Variants in DCC observed in about 807,000 individuals in gnomAD.
The protein encoded by DCC is DCC netrin 1 receptor.
DCC carries 58 observed loss-of-function variants against 172.5 expected under a neutral mutation model. The observed-to-expected ratio is 0.34, with a 90% CI of 0.27 to 0.42. The LOEUF is 0.42. DCC is among the 10% of genes least tolerant of loss of function. The probability of loss-of-function intolerance (pLI) is 1.00; values close to 1 mark genes in which losing one functional copy is unlikely to be tolerated. For synonymous variants in DCC, 709 were observed against 644.5 expected (o/e 1.10, Z -1.52); for missense variants, 1,740 against 1,791.0 (o/e 0.97, Z 0.51).
intron 5 of DCC, among the ~76,000 whole-genome samples, chr18:53,048,489 TTGTGTGTGTGTGTGTGTG>T (rs71175550): frequency 2.2e-5 from 3 of 139,356 alleles, no homozygotes; most frequent in Non-Finnish European, 3.1e-5. Flanking sequence ...ACTCCATGGT[TTGTGTGTGTGTGTGTGTG>T]TGTGTGTGTG....
intron 21 of DCC, among the ~76,000 whole-genome samples, chr18:53,417,256 G>T (rs1454817293): frequency 6.6e-6 from 1 of 152,148 alleles, no homozygotes; most frequent in Non-Finnish European, 1.5e-5. Flanking sequence ...GTGGTCCTGT[G>T]TTTACATTCT....
intron 1 of DCC, among the ~76,000 whole-genome samples, chr18:52,662,602 A>T (rs1195290575): frequency 6.6e-6 from 1 of 150,376 alleles, no homozygotes; most frequent in Admixed American, 6.6e-5. Context: ...AAAGGGAGGG[A>T]AAGAGAGAGA....
At chr18:52,909,735 T>C (rs1025465365) in intron 3 of DCC, among the ~76,000 whole-genome samples, 2 of 152,156 alleles carry the variant, frequency 1.3e-5, no homozygotes, top group Non-Finnish European at 2.9e-5. Flanking sequence ...AACTTTTGAA[T>C]GAATCTTACA....
intron 18 of DCC, among the ~76,000 whole-genome samples, chr18:53,397,760 C>T (rs956139287): frequency 6.6e-6 from 1 of 152,060 alleles, no homozygotes; most frequent in African/African-American, 2.4e-5. Flanking sequence ...ATCCAATGAA[C>T]TTGGTCCAAA....
At chr18:52,887,356 CA>C (rs1403940315) in intron 2 of DCC, among the ~76,000 whole-genome samples, 1 of 151,818 alleles carries the variant, frequency 6.6e-6, no homozygotes, top group Non-Finnish European at 1.5e-5. Flanking sequence ...AATGGAGAGC[CA>C]AACATATTAT....
intron 2 of DCC, among the ~76,000 whole-genome samples, chr18:52,862,179 ACCTCGTATGTT>A (rs1200561982): frequency 2.6e-5 from 4 of 152,162 alleles, no homozygotes; most frequent in African/African-American, 9.6e-5. Context: ...TACCAGATAA[ACCTCGTATGTT>A]CCTCTTGGGC....
At chr18:52,343,872 G>A (rs542492819) in intron 1 of DCC, among the ~76,000 whole-genome samples, 3 of 152,202 alleles carry the variant, frequency 2.0e-5, no homozygotes, top group African/African-American at 7.2e-5. Flanking sequence ...TGAGTGGCGG[G>A]AGTATGGCAG....
chr18:53,256,464 T>C (rs547675637), intron 12 of DCC, among the ~76,000 whole-genome samples: 1 of 152,100 alleles, frequency 6.6e-6, no homozygotes, highest in African/African-American at 2.4e-5. Context: ...ATTTATTAAA[T>C]AGGGAATCCT....
chr18:53,157,066 C>T (rs533290678), intron 7 of DCC, among the ~76,000 whole-genome samples: 2 of 152,282 alleles, frequency 1.3e-5, no homozygotes, highest in South Asian at 4.1e-4. Context: ...CCCTTTTCTT[C>T]CCTGAGCAGA....
chr18:53,123,587 C>T (rs2043513956), intron 7 of DCC, among the ~76,000 whole-genome samples: 1 of 151,940 alleles, frequency 6.6e-6, no homozygotes, highest in Admixed American at 6.6e-5. Flanking sequence ...TTAAGGATAC[C>T]TAGTTGTAAT....
intron 1 of DCC, among the ~76,000 whole-genome samples, chr18:52,537,194 A>G (rs2032313574): frequency 2.0e-5 from 3 of 152,226 alleles, no homozygotes; most frequent in Non-Finnish European, 4.4e-5. Flanking sequence ...CAGAAACTGA[A>G]AACAATAAGT....
chr18:52,724,816 A>ACCAACTT, intron 1 of DCC, among the ~76,000 whole-genome samples: 1 of 152,286 alleles, frequency 6.6e-6, no homozygotes, highest in Middle Eastern at 3.4e-3. Context: ...ACCTGGCTCC[A>ACCAACTT]TCTGACCCAT....
intron 15 of DCC, among the ~76,000 whole-genome samples, chr18:53,384,467 G>C (rs985470724): frequency 6.6e-6 from 1 of 151,686 alleles, no homozygotes. Flanking sequence ...CTGTACGTTA[G>C]ATCTTCCTTC....
At chr18:52,941,300 G>T (rs1230644465) in intron 5 of DCC, 1 of 152,060 alleles carries the variant, frequency 6.6e-6, no homozygotes, top group Non-Finnish European at 1.5e-5. Context: ...ATTTATGGAA[G>T]ATGAGATTCC....
intron 9 of DCC, among the ~76,000 whole-genome samples, chr18:53,203,467 A>C (rs2055576946): frequency 6.6e-6 from 1 of 152,080 alleles, no homozygotes. Context: ...AAGGAATCTC[A>C]AGGTTCCAGG....
intron 21 of DCC, chr18:53,416,380 T>A: frequency 1.5e-6 from 1 of 683,298 alleles, no homozygotes. Flanking sequence ...GTCTCCATTC[T>A]GAAGGACCAA....
rs34406723 is a variant in DCC, at chr18:53,159,008, A to AAAAAAAAAAAAAAAAAAAAAAG, written c.1418+1496_1418+1497insAAAAAAAAAAAAAAAAAAAAAG. Reference sequence around the variant, plus strand: ...CATCTCAAAAAAAAAAAAAAAAAGAAGAAGATGTAGGCATACCCATATTGC... The same window carrying AAAAAAAAAAAAAAAAAAAAAAG: ...CATCTCAAAAAAAAAAAAAAAAAGAAAAAAAAAAAAAAAAAAAAAAAGGAAGATGTAGGCATACCCATATTGC... On this transcript the variant is annotated intron_variant, in intron 8 of 28. Coordinates refer to ENST00000442544, the MANE Select transcript of DCC (RefSeq NM_005215.4). Among the ~76,000 whole-genome samples the AAAAAAAAAAAAAAAAAAAAAAG allele has an allele frequency of 1.8e-4, 21 of 119,168 alleles. 1 individual carries two copies. Among genetic ancestry groups the AAAAAAAAAAAAAAAAAAAAAAG allele is most frequent in the African/African-American group, 5.9e-4 (18 of 30,654 alleles). 78.2% of individuals were successfully genotyped at this position (119,168 alleles called of 152,430 possible).
intron 14 of DCC, among the ~76,000 whole-genome samples, chr18:53,333,096 A>G (rs2057549594): frequency 6.6e-6 from 1 of 151,720 alleles, no homozygotes; most frequent in African/African-American, 2.4e-5. Context: ...GAGAATATTG[A>G]CAAAATATTA....
At chr18:53,136,817 G>A (rs1322325147) in intron 7 of DCC, among the ~76,000 whole-genome samples, 4 of 152,250 alleles carry the variant, frequency 2.6e-5, no homozygotes, top group Admixed American at 2.6e-4. Flanking sequence ...CTCAGCATTT[G>A]AACACTATTT....
Sources: gnomAD v4.1 joint callset for allele counts (sites outside exome capture counted in the v4.1 genomes callset) on GRCh38, gnomAD v4.1.1 for gene constraint, MANE v1.5 for transcripts, NCBI Gene and HGNC (gene_info 2026-07-23, HGNC 2026-07-21) for gene names.